The following ZNF141 variants were observed in gnomAD, a reference collection of about 807,000 sequenced individuals.
The protein encoded by ZNF141 is zinc finger protein 141, also known as zinc finger protein 141 (clone pHZ-44).
ZNF141 carries 7 observed loss-of-function variants against 11.3 expected under a neutral mutation model. That is an observed-to-expected ratio of 0.62 (90% CI 0.35 to 1.16). The LOEUF is 1.16. Ranked by LOEUF, ZNF141 falls within the 50% of genes most tolerant of loss-of-function variation. The probability of loss-of-function intolerance (pLI) is 0.02; values close to 1 mark genes in which losing one functional copy is unlikely to be tolerated. For missense variants in ZNF141, 535 were observed against 554.0 expected (o/e 0.97, Z 0.34); for synonymous variants, 183 against 190.7 (o/e 0.96, Z 0.33).
At chr4:340,143 C>T (rs909161226) in intron 1 of ZNF141, among the ~76,000 whole-genome samples, 29 of 152,198 alleles carry the variant, frequency 1.9e-4, no homozygotes, top group African/African-American at 6.8e-4. Context: ...GATGATTTTG[C>T]TGTTATATTT....
chr4:373,703 C>G lies in ZNF141; in HGVS notation c.1266C>G (p.Pro422=), dbSNP rs782074457. 4 of 1,613,968 alleles carry G rather than the reference C, an allele frequency of 2.5e-6. No individual in the cohort carries two copies. The African/African-American group carries it at 5.3e-5, about 22-fold the overall frequency. ...AGAAAATTCATAGTGCAGATAAACC[C>G]TACAAATGTAAAGAATGTGACAAAG... ...QHKKIHSADK[P]YKCKECDKAF... The change falls in exon 4 of 4, where the codon CCC becomes CCG. Residue 422 remains proline (P), a synonymous_variant. Transcript: ENST00000240499.
chr4:340,095 T>A (rs1720977784), intron 1 of ZNF141, among the ~76,000 whole-genome samples: 1 of 152,260 alleles, frequency 6.6e-6, no homozygotes, highest in Non-Finnish European at 1.5e-5. Context: ...CACATTTTCT[T>A]GCTGTTCTAT....
At chr4:351,157 G>T (rs1721580658) in intron 3 of ZNF141, among the ~76,000 whole-genome samples, 1 of 151,974 alleles carries the variant, frequency 6.6e-6, no homozygotes, top group South Asian at 2.1e-4. Context: ...TGCCGTGACT[G>T]GAAGCTTTCT....
At position 376,129 on chromosome 4, in the gene ZNF141, G is replaced by C. The variant is rs544432332; in HGVS notation, c.*2267G>C. On this transcript the variant is annotated 3_prime_UTR_variant, in exon 4 of 4. Coordinates refer to ENST00000240499, the MANE Select transcript of ZNF141 (RefSeq NM_003441.4). ...TAACGTGTTGAAATAATTGTTGCTT[G>C]AATGAAGTGTCATTATGCCACCAAC... Among the ~76,000 whole-genome samples the C allele has an allele frequency of 4.6e-5, 7 of 152,156 alleles. No individual in the cohort carries two copies. Among genetic ancestry groups the C allele is most frequent in the Non-Finnish European group, 1.0e-4 (7 of 67,884 alleles).
intron 3 of ZNF141, among the ~76,000 whole-genome samples, chr4:345,364 CTA>C (rs1317439923): frequency 4.6e-5 from 7 of 152,078 alleles, no homozygotes; most frequent in Non-Finnish European, 1.0e-4. Context: ...AATGTAAACT[CTA>C]TATGTGCAAA....
rs1185286754 is a variant in ZNF141, at chr4:344,612, G to A, written c.226+182G>A. Reference sequence around the variant, plus strand: ...AGATCGAGATCATCCTGGCCAACATGGTGAAACCCCGTCTCTACTAAAAAT... The same window carrying A: ...AGATCGAGATCATCCTGGCCAACATAGTGAAACCCCGTCTCTACTAAAAAT... On this transcript the variant is annotated intron_variant, in intron 3 of 3. Coordinates refer to ENST00000240499, the MANE Select transcript of ZNF141 (RefSeq NM_003441.4). Among the ~76,000 whole-genome samples the A allele has an allele frequency of 9.2e-5, 14 of 152,124 alleles. 1 individual carries two copies. The highest frequency in any genetic ancestry group is 1.8e-4 in the Non-Finnish European group (12 of 68,024).
chr4:363,720 T>C (rs1413222353), intron 3 of ZNF141, among the ~76,000 whole-genome samples: 1 of 151,238 alleles, frequency 6.6e-6, no homozygotes, highest in Non-Finnish European at 1.5e-5. Flanking sequence ...ATCGTGCCAC[T>C]GTACTCCAGC....
rs1712497272 is a variant in ZNF141 at position 379,004 on chromosome 4, C to T, written c.*5142C>T. ...GGATTACAGGTGCCCACCACCACAC[C>T]CAGCTAATTTTTGTATTTTTAATAG... is the stretch of plus-strand genomic sequence containing the variant. On this transcript the variant is annotated 3_prime_UTR_variant, in exon 4 of 4. Transcript: ENST00000240499. Among the ~76,000 whole-genome samples the T allele has an allele frequency of 2.6e-5, 4 of 151,778 alleles. No homozygotes were observed. In the South Asian group the frequency reaches 8.3e-4, roughly 32 times the overall value.
intron 1 of ZNF141, 177 bp downstream of exon 1, chr4:338,163 C>T: frequency 1.4e-6 from 1 of 720,562 alleles, no homozygotes; most frequent in African/African-American, 1.8e-5. Context: ...GCGGCTCTGG[C>T]CCAGCCTGCA....
At position 377,351 on chromosome 4, in the gene ZNF141, C is replaced by T. The variant is rs1047857102; in HGVS notation, c.*3489C>T. 6.6e-6 allele frequency among the ~76,000 whole-genome samples: 1 copy of T among 152,180 alleles called. No homozygotes were observed. The highest frequency in any genetic ancestry group is 1.5e-5 in the Non-Finnish European group (1 of 68,036). On this transcript the variant is annotated 3_prime_UTR_variant, in exon 4 of 4. Coordinates refer to ENST00000240499, the MANE Select transcript of ZNF141 (RefSeq NM_003441.4). Reference sequence around the variant, plus strand: ...CTCCAAGTAAGAGATTGAAAATAATCTGTGGCGAACAAATGGCATTAATTG... The same window carrying T: ...CTCCAAGTAAGAGATTGAAAATAATTTGTGGCGAACAAATGGCATTAATTG...
In ZNF141 at chr4:376,414, G is replaced by A. The variant is rs528583300; in HGVS notation, c.*2552G>A. ...CAACATGTAATATACCAGAGTAAATGAGTTATTCATCACCTCAAGCATTCA... is the reference window on the plus strand; with the variant it reads ...CAACATGTAATATACCAGAGTAAATAAGTTATTCATCACCTCAAGCATTCA... On this transcript the variant is annotated 3_prime_UTR_variant, in exon 4 of 4. Transcript: ENST00000240499. 6.2e-4 allele frequency among the ~76,000 whole-genome samples: 94 copies of A among 152,078 alleles called. 2 individuals are homozygous for A. In the South Asian group the frequency reaches 0.019, roughly 31 times the overall value.
At chr4:342,749 A>G (rs1277040662) in intron 1 of ZNF141, 1 of 1,420,560 alleles carries the variant, frequency 7.0e-7, no homozygotes, top group African/African-American at 1.4e-5. Flanking sequence ...AAAAGTCCTT[A>G]TTTATTTTAT....
Position 373,090 on chromosome 4 carries a change from A to G in ZNF141, c.653A>G (p.Lys218Arg), listed in dbSNP as rs1314868590. 1 of 1,613,868 alleles carries G rather than the reference A, an allele frequency of 6.2e-7. No individual in the cohort carries two copies. The highest frequency in any genetic ancestry group is 8.5e-7 in the Non-Finnish European group (1 of 1,179,982). ...TGGTCTTTAATATTTAATGAACATAAGAGAATTCATACTGGAGAGAAACCT... is the reference window on the plus strand; with the variant it reads ...TGGTCTTTAATATTTAATGAACATAGGAGAATTCATACTGGAGAGAAACCT... ...FKWSLIFNEH[K>R]RIHTGEKPFT... is the part of the protein sequence containing the mutation. The change falls in exon 4 of 4, where the codon AAG becomes AGG. Residue 218 changes from lysine to arginine, a missense_variant. Transcript: ENST00000240499.
At chr4:371,625 T>C (rs1430117381) in intron 3 of ZNF141, among the ~76,000 whole-genome samples, 1 of 151,772 alleles carries the variant, frequency 6.6e-6, no homozygotes, top group Non-Finnish European at 1.5e-5. Flanking sequence ...CTGCAAGCTT[T>C]GCCTCCTGTG....
chr4:374,116 A>G lies in ZNF141; in HGVS notation c.*254A>G, dbSNP rs1712241794. ...GAGCAGAAGAAAATTATTACTGGAG[A>G]TAAACCCTGCAAATGTAAAGAGTGT... On this transcript the variant is annotated 3_prime_UTR_variant, in exon 4 of 4. Transcript: ENST00000240499. The G allele has an allele frequency of 1.9e-6, 1 of 513,606 alleles. No individual in the cohort carries two copies. The highest frequency in any genetic ancestry group is 3.5e-6 in the Non-Finnish European group (1 of 287,956). 31.8% of individuals were successfully genotyped at this position (513,606 alleles called of 1,614,324 possible).
intron 3 of ZNF141, among the ~76,000 whole-genome samples, chr4:371,542 T>TTGTGTGTGTGTG (rs3037726): frequency 1.4e-5 from 2 of 145,402 alleles, no homozygotes; most frequent in Non-Finnish European, 3.0e-5. Flanking sequence ...TTGTGATAAT[T>TTGTGTGTGTGTG]TGTGTGTGTG....
chr4:369,733 AAG>A (rs200006778), intron 3 of ZNF141, among the ~76,000 whole-genome samples: 4,553 of 24,334 alleles, frequency 0.19, 681 homozygotes, highest in African/African-American at 0.31. Flanking sequence ...AAATTTCTTA[AAG>A]AGATATATAT....
rs1553855966 is a variant in ZNF141, at chr4:383,454, T to TA, written c.*9595dup. ...TATTGATTTTCTTTTTTCCTTTATTTAAAGTTAGATTTGTTGTAAGATGAT... is the reference window on the plus strand; with the variant it reads ...TATTGATTTTCTTTTTTCCTTTATTTAAAAGTTAGATTTGTTGTAAGATGAT... On this transcript the variant is annotated 3_prime_UTR_variant, in exon 4 of 4. Transcript: ENST00000240499. 1 of 335,434 alleles carries TA rather than the reference T, an allele frequency of 3.0e-6. No individual in the cohort carries two copies. Among genetic ancestry groups the TA allele is most frequent in the East Asian group, 4.6e-5 (1 of 21,594 alleles). The allele number at this position is 335,434 out of a possible 1,614,324, so 20.8% of individuals were successfully genotyped here.
chr4:351,971 A>G (rs140733549), intron 3 of ZNF141, among the ~76,000 whole-genome samples: 3 of 152,152 alleles, frequency 2.0e-5, no homozygotes, highest in Non-Finnish European at 4.4e-5. Flanking sequence ...GATGTAGGTA[A>G]GAAGTGAGTT....
Sources: allele counts gnomAD v4.1 joint callset (sites outside exome capture counted in the v4.1 genomes callset), GRCh38; gene constraint gnomAD v4.1.1; transcripts MANE v1.5; gene names NCBI Gene and HGNC (gene_info 2026-07-23, HGNC 2026-07-21).